Variants in TEX11 observed in about 807,000 individuals in gnomAD.
TEX11 encodes the protein testis-expressed protein 11.
A neutral mutation model predicts 84.4 loss-of-function variants in TEX11; 7 were observed. The ratio of observed to expected loss-of-function variants is 0.08; its 90% CI spans 0.05 to 0.16. The LOEUF (loss-of-function observed/expected upper bound fraction) is 0.16. Among genes scored for constraint, TEX11 ranks in the 10% least tolerant of loss-of-function variants. The probability of loss-of-function intolerance (pLI) is 1.00; values close to 1 mark genes in which losing one functional copy is unlikely to be tolerated. For missense variants in TEX11, 551 were observed against 660.5 expected (o/e 0.83, Z 1.82); for synonymous variants, 264 against 222.8 (o/e 1.18, Z -1.64).
intron 28 of TEX11, among the ~76,000 whole-genome samples, chrX:70,533,984 G>A (rs1188175853): frequency 2.8e-5 from 3 of 106,061 alleles, no homozygotes; most frequent in Non-Finnish European, 5.8e-5. Flanking sequence ...CCCAGCTACT[G>A]GGGAGGCTGA....
intron 7 of TEX11, among the ~76,000 whole-genome samples, chrX:70,835,464 T>C (rs1411618362): frequency 1.8e-5 from 2 of 112,415 alleles, no homozygotes; most frequent in African/African-American, 6.5e-5. Context: ...AATACAGTGC[T>C]GTAGTAACCT....
At chrX:70,676,464 A>G (rs2090072420) in intron 15 of TEX11, among the ~76,000 whole-genome samples, 1 of 112,015 alleles carries the variant, frequency 8.9e-6, no homozygotes, top group Admixed American at 9.4e-5. Flanking sequence ...AAGAAATCTG[A>G]CGTTCTCTTT....
intron 17 of TEX11, among the ~76,000 whole-genome samples, chrX:70,640,939 T>C (rs2089648574): frequency 9.1e-6 from 1 of 110,254 alleles, no homozygotes; most frequent in Non-Finnish European, 1.9e-5. Flanking sequence ...TAAATGTAAA[T>C]GGACTAAATG....
chrX:70,703,182 C>T (rs1180517300), intron 13 of TEX11, among the ~76,000 whole-genome samples: 1 of 111,534 alleles, frequency 9.0e-6, no homozygotes, highest in East Asian at 2.8e-4. Flanking sequence ...AAGCAGCATA[C>T]TCATGACCAC....
chrX:70,829,004 A>G (rs2091361489), intron 8 of TEX11, among the ~76,000 whole-genome samples: 1 of 112,173 alleles, frequency 8.9e-6, no homozygotes, highest in African/African-American at 3.2e-5. Context: ...TCCAGCAGAA[A>G]GTATCCTTCA....
intron 17 of TEX11, among the ~76,000 whole-genome samples, chrX:70,640,535 C>T (rs1448360324): frequency 9.0e-6 from 1 of 110,921 alleles, no homozygotes; most frequent in African/African-American, 3.3e-5. Flanking sequence ...TCAGGTTACC[C>T]TCAAAGGGAA....
intron 7 of TEX11, among the ~76,000 whole-genome samples, chrX:70,844,256 A>G (rs963640819): frequency 9.1e-6 from 1 of 110,135 alleles, no homozygotes; most frequent in Non-Finnish European, 1.9e-5. Context: ...TGTGGCACAT[A>G]TACACCATGG....
At chrX:70,896,525 A>C (rs2091767067) in intron 2 of TEX11, among the ~76,000 whole-genome samples, 1 of 111,848 alleles carries the variant, frequency 8.9e-6, no homozygotes, top group African/African-American at 3.2e-5. Flanking sequence ...GTGATTATAC[A>C]CCCAAAGGGT....
intron 8 of TEX11, among the ~76,000 whole-genome samples, chrX:70,821,243 A>G (rs1414711840): frequency 1.8e-5 from 2 of 112,177 alleles, no homozygotes; most frequent in Non-Finnish European, 3.8e-5. Flanking sequence ...CATTTCTTCA[A>G]AGAAAATATA....
intron 25 of TEX11, among the ~76,000 whole-genome samples, chrX:70,575,095 A>C (rs770087913): frequency 4.1e-4 from 46 of 111,187 alleles, no homozygotes; most frequent in Non-Finnish European, 2.5e-4. Context: ...TTTAAATGGG[A>C]AGTGCAAGGA....
At chrX:70,688,731 C>T (rs1431284081) in intron 13 of TEX11, among the ~76,000 whole-genome samples, 1 of 107,534 alleles carries the variant, frequency 9.3e-6, no homozygotes, top group African/African-American at 3.4e-5. Flanking sequence ...CACAACAAGT[C>T]AATCTCAATG....
At chrX:70,630,646 T>C (rs2070845446) in intron 17 of TEX11, among the ~76,000 whole-genome samples, 2 of 111,859 alleles carry the variant, frequency 1.8e-5, no homozygotes, top group Non-Finnish European at 3.8e-5. Flanking sequence ...ATTAATAAGA[T>C]GCTAAATTTA....
intron 9 of TEX11, among the ~76,000 whole-genome samples, chrX:70,783,615 T>G (rs1025041213): frequency 2.4e-4 from 27 of 111,153 alleles, no homozygotes; most frequent in African/African-American, 8.8e-4. Context: ...AAGAATCAAA[T>G]AGACGCTATA....
intron 16 of TEX11, among the ~76,000 whole-genome samples, chrX:70,669,166 T>C (rs1166291454): frequency 8.9e-6 from 1 of 111,758 alleles, no homozygotes; most frequent in Admixed American, 9.6e-5. Context: ...CCTAGCATAA[T>C]GTCTGGTACT....
intron 17 of TEX11, among the ~76,000 whole-genome samples, chrX:70,645,007 C>T (rs865804393): frequency 1.8e-4 from 20 of 109,549 alleles, no homozygotes; most frequent in East Asian, 2.9e-4. Context: ...AAAAATCATG[C>T]GACTACTATG....
rs2091249192 is a variant in TEX11, at chrX:70,810,963, A to T, written c.607-4173T>A. 2.7e-5 allele frequency among the ~76,000 whole-genome samples: 3 copies of T among 111,712 alleles called. No homozygotes were observed. In the Admixed American group the frequency reaches 2.8e-4, roughly 11 times the overall value. Reference sequence around the variant, plus strand: ...CATATACCGTAGATATTTAGTTTAAAAGTATATGACTCACTTAAAATTTAC... The same window carrying T: ...CATATACCGTAGATATTTAGTTTAATAGTATATGACTCACTTAAAATTTAC... On this transcript the variant is annotated intron_variant, in intron 8 of 29. Transcript: ENST00000374333.
At chrX:70,859,417 A>T (rs2091556237) in intron 5 of TEX11, among the ~76,000 whole-genome samples, 1 of 90,478 alleles carries the variant, frequency 1.1e-5, no homozygotes, top group East Asian at 3.4e-4. Context: ...GTCTCTACTT[A>T]AAAAAAAAAA....
intron 17 of TEX11, among the ~76,000 whole-genome samples, chrX:70,644,453 C>T (rs1409079249): frequency 9.4e-6 from 1 of 106,096 alleles, no homozygotes; most frequent in Non-Finnish European, 1.9e-5. Context: ...AATCATGCTG[C>T]TATAAAGACA....
At chrX:70,542,088 C>G (rs1467181722) in intron 28 of TEX11, among the ~76,000 whole-genome samples, 1 of 111,150 alleles carries the variant, frequency 9.0e-6, no homozygotes, top group African/African-American at 3.3e-5. Context: ...GTGCAACGGA[C>G]TGAATGTTTG....
Sources: gnomAD v4.1 joint callset for allele counts (sites outside exome capture counted in the v4.1 genomes callset) on GRCh38, gnomAD v4.1.1 for gene constraint, MANE v1.5 for transcripts, NCBI Gene and HGNC (gene_info 2026-07-23, HGNC 2026-07-21) for gene names.